The following SPHKAP variants were observed in gnomAD, a reference collection of about 807,000 sequenced individuals.
SPHKAP encodes SPHK1 interactor, AKAP domain containing, also known as A-kinase anchor protein SPHKAP.
In SPHKAP, 67 loss-of-function variants were observed where a neutral mutation model predicts 137.5. The observed-to-expected ratio is 0.49, with a 90% CI of 0.40 to 0.60. SPHKAP has a LOEUF of 0.60. Ranked by LOEUF, SPHKAP falls within the 20% of genes least tolerant of loss-of-function variation. The probability of loss-of-function intolerance (pLI) is 0.00; values close to 1 mark genes in which losing one functional copy is unlikely to be tolerated. For missense variants in SPHKAP, 2,097 were observed against 2,069.3 expected (o/e 1.01, Z -0.26); for synonymous variants, 813 against 785.3 (o/e 1.04, Z -0.59).
At position 228,000,923 on chromosome 2, in the gene SPHKAP, C is replaced by T. The variant is rs149404345; in HGVS notation, c.4449-5229G>A. Among the ~76,000 whole-genome samples, 228 of 152,130 alleles carry T rather than the reference C, an allele frequency of 1.5e-3. 1 individual carries two copies. Among genetic ancestry groups the T allele is most frequent in the African/African-American group, 5.3e-3 (220 of 41,498 alleles). On this transcript the variant is annotated intron_variant, in intron 7 of 11. Transcript: ENST00000392056. ...ATACCAAGGAACAGGATTGCTGGGTCGTATGGTAAGAGTATCTTTAGTTTT... is the reference window on the plus strand; with the variant it reads ...ATACCAAGGAACAGGATTGCTGGGTTGTATGGTAAGAGTATCTTTAGTTTT...
In SPHKAP at chr2:228,017,829, C is replaced by A; in HGVS notation, c.3025G>T (p.Glu1009Ter). The change falls in exon 7 of 12, where the codon GAG becomes TAG. Residue 1009 changes from glutamate to a stop codon, truncating the protein, a stop_gained. Transcript: ENST00000392056. LOFTEE classifies it high-confidence loss of function. ...AGCTTTTCTTTAAGCTCAGGGTGCT[C>A]GTCCGTCTTCCTCTTGATCTCACTG... is the stretch of plus-strand genomic sequence containing the variant. Reference protein sequence around the residue: ...RLSEIKRKTDEHPELKEKLMN... With the variant: ...RLSEIKRKTD The A allele has an allele frequency of 6.2e-7, 1 of 1,614,102 alleles. No individual in the cohort carries two copies. The highest frequency in any genetic ancestry group is 1.1e-5 in the South Asian group (1 of 91,072).
chr2:228,031,846 A>AT (rs1695338449), intron 3 of SPHKAP, among the ~76,000 whole-genome samples: 1 of 152,236 alleles, frequency 6.6e-6, no homozygotes, highest in Non-Finnish European at 1.5e-5. Context: ...AGGAAAACTA[A>AT]CGAACAGAAA....
In SPHKAP at chr2:228,018,660, C is replaced by T. The variant is rs770444711; in HGVS notation, c.2194G>A (p.Glu732Lys). Reference sequence around the variant, plus strand: ...TCCTTAGAAAGGACAGCAGGACATTCACCAAGCCGTACAATATGACTCATC... The same window carrying T: ...TCCTTAGAAAGGACAGCAGGACATTTACCAAGCCGTACAATATGACTCATC... ...KKMSHIVRLG[E>K]CPAVLSKETI... Residue 732 changes from glutamate (E) to lysine (K), a missense_variant, in exon 7 of 12, where the codon GAA (glutamate) becomes AAA (lysine). Coordinates refer to ENST00000392056, the MANE Select transcript of SPHKAP (RefSeq NM_001142644.2). The T allele has an allele frequency of 6.2e-7, 1 of 1,614,196 alleles. No individual in the cohort carries two copies. Among genetic ancestry groups the T allele is most frequent in the South Asian group, 1.1e-5 (1 of 91,084 alleles).
rs778367341 is a variant in SPHKAP at position 227,981,703 on chromosome 2, G to A, written c.*14C>T. The A allele has an allele frequency of 5.6e-6, 9 of 1,610,736 alleles. No homozygotes were observed. Among genetic ancestry groups the A allele is most frequent in the East Asian group, 4.5e-5 (2 of 44,758 alleles). On this transcript the variant is annotated 3_prime_UTR_variant, in exon 12 of 12. Transcript: ENST00000392056. ...AATAAAGGGAAGGAATGATCTATAC[G>A]GCAGACTGCCTTATTATCCCAGTTC...
intron 3 of SPHKAP, among the ~76,000 whole-genome samples, chr2:228,084,629 A>T (rs1294983795): frequency 6.6e-6 from 1 of 152,158 alleles, no homozygotes. Flanking sequence ...TTCACCATTG[A>T]TTAATTTTGA....
intron 1 of SPHKAP, among the ~76,000 whole-genome samples, chr2:228,179,697 A>C (rs141368855): frequency 0.012 from 1,758 of 152,340 alleles, 25 homozygotes; most frequent in African/African-American, 0.028. Flanking sequence ...TAACATTTTG[A>C]TAGGCCACTA....
chr2:228,024,248 C>T (rs991679661), intron 5 of SPHKAP, among the ~76,000 whole-genome samples: 2 of 151,936 alleles, frequency 1.3e-5, no homozygotes, highest in African/African-American at 4.8e-5. Context: ...ATGTCAATAC[C>T]AATTTTCATA....
chr2:228,172,183 T>C (rs192094156), intron 1 of SPHKAP, among the ~76,000 whole-genome samples: 1 of 152,132 alleles, frequency 6.6e-6, no homozygotes, highest in Non-Finnish European at 1.5e-5. Flanking sequence ...AAAATGATAA[T>C]GTAGCACCGT....
intron 3 of SPHKAP, among the ~76,000 whole-genome samples, chr2:228,065,618 G>T (rs977099408): frequency 1.3e-5 from 2 of 152,112 alleles, no homozygotes; most frequent in African/African-American, 4.8e-5. Flanking sequence ...ATTGTGCCTG[G>T]TCCCCTTAGG....
rs1353588844 is a variant in SPHKAP at position 228,119,095 on chromosome 2, T to C, written c.139-10156A>G. ...ACATTGAGCAGAGATCTGAATGAAG[T>C]GAGAAGCCAGCCACACTCCCATCGG... On this transcript the variant is annotated intron_variant, in intron 2 of 11. Transcript: ENST00000392056. Among the ~76,000 whole-genome samples the C allele has an allele frequency of 7.2e-5, 11 of 152,118 alleles. No individual in the cohort carries two copies. The East Asian group carries it at 1.2e-3, about 16-fold the overall frequency.
At chr2:228,131,409 G>T in intron 2 of SPHKAP, 4 of 548,832 alleles carry the variant, frequency 7.3e-6, no homozygotes, top group Non-Finnish European at 9.3e-6. Context: ...GATTTGATTG[G>T]CTGGGAAAAT....
At position 228,135,274 on chromosome 2, in the gene SPHKAP, C is replaced by CAAA. The variant is rs11435994; in HGVS notation, c.33-3192_33-3190dup. Reference sequence around the variant, plus strand: ...GGGCAACAAGAGTGAAACTCTGTCTCAAAAAAAAAAAAAAAAAAAGCAAAA... The same window carrying CAAA: ...GGGCAACAAGAGTGAAACTCTGTCTCAAAAAAAAAAAAAAAAAAAAAAGCAAAA... On this transcript the variant is annotated intron_variant, in intron 1 of 11. Transcript: ENST00000392056. Among the ~76,000 whole-genome samples the CAAA allele has an allele frequency of 3.2e-3, 308 of 95,186 alleles. 3 individuals carry two copies. The highest frequency in any genetic ancestry group is 6.3e-3 in the Middle Eastern group (1 of 160). The allele number at this position is 95,186 out of a possible 152,430, so 62.4% of individuals were successfully genotyped here.
chr2:228,033,661 G>A (rs1466299108), intron 3 of SPHKAP, among the ~76,000 whole-genome samples: 1 of 152,134 alleles, frequency 6.6e-6, no homozygotes, highest in Non-Finnish European at 1.5e-5. Context: ...TAAAAGAACA[G>A]AAATTATAAC....
chr2:228,074,001 AAAC>A (rs893463138), intron 3 of SPHKAP, among the ~76,000 whole-genome samples: 24 of 152,212 alleles, frequency 1.6e-4, no homozygotes, highest in African/African-American at 5.5e-4. Context: ...ACAATGTAGA[AAAC>A]AATAAATTGA....
At position 228,108,977 on chromosome 2, in the gene SPHKAP, A is replaced by G. The variant is rs766958786; in HGVS notation, c.139-38T>C. 1.3e-5 allele frequency: 17 copies of G among 1,342,430 alleles called. No homozygotes were observed. In the South Asian group the frequency reaches 1.7e-4, roughly 14 times the overall value. The allele number at this position is 1,342,430 out of a possible 1,614,324, so 83.2% of individuals were successfully genotyped here. Reference sequence around the variant, plus strand: ...AGAAAAACTCAGTTCTTATTCGGCAATCCTTTCTATCTAAACAGCAGCTCT... The same window carrying G: ...AGAAAAACTCAGTTCTTATTCGGCAGTCCTTTCTATCTAAACAGCAGCTCT... On this transcript the variant is annotated intron_variant, in intron 2 of 11. Coordinates refer to ENST00000392056, the MANE Select transcript of SPHKAP (RefSeq NM_001142644.2).
At chr2:228,096,481 A>T (rs748002274) in intron 3 of SPHKAP, among the ~76,000 whole-genome samples, 2 of 152,100 alleles carry the variant, frequency 1.3e-5, no homozygotes. Flanking sequence ...TATCTCCTGC[A>T]TATTCAAGTC....
chr2:228,154,675 A>T (rs1700055843), intron 1 of SPHKAP, among the ~76,000 whole-genome samples: 1 of 143,106 alleles, frequency 7.0e-6, no homozygotes, highest in Non-Finnish European at 1.5e-5. Context: ...CAGCCTCCCG[A>T]GTAGCTGGGA....
intron 11 of SPHKAP, among the ~76,000 whole-genome samples, chr2:227,990,007 A>G (rs1038074793): frequency 6.6e-6 from 1 of 152,186 alleles, no homozygotes; most frequent in Non-Finnish European, 1.5e-5. Context: ...TAAAGGAGCC[A>G]TGTGACAGAG....
rs1424730290 is a variant in SPHKAP at position 227,980,964 on chromosome 2, C to T, written c.*753G>A. 1 of 152,150 alleles carries T rather than the reference C, an allele frequency of 6.6e-6. No individual in the cohort carries two copies. The highest frequency in any genetic ancestry group is 6.6e-5 in the Admixed American group (1 of 15,250). The allele number at this position is 152,150 out of a possible 1,614,324, so 9.4% of individuals were successfully genotyped here. A position where few individuals can be genotyped will look rare whatever the true frequency, so the allele number is the denominator to read the frequency against. ...ACTTTTTTTTAAATATGAAAGCTTT[C>T]TCTTAGGATAAGAATTATGTAATCA... On this transcript the variant is annotated 3_prime_UTR_variant, in exon 12 of 12. Transcript: ENST00000392056.
Sources: allele counts gnomAD v4.1 joint callset (sites outside exome capture counted in the v4.1 genomes callset), GRCh38; gene constraint gnomAD v4.1.1; transcripts MANE v1.5; gene names NCBI Gene and HGNC (gene_info 2026-07-23, HGNC 2026-07-21).